The following COPB2 variants were observed in gnomAD, a reference collection of about 807,000 sequenced individuals.
The protein encoded by COPB2 is coat protein complex I subunit beta 2.
In COPB2, 16 loss-of-function variants were observed where a neutral mutation model predicts 120.8. The ratio of observed to expected loss-of-function variants is 0.13; its 90% confidence interval spans 0.09 to 0.20. The LOEUF (loss-of-function observed/expected upper bound fraction) is 0.20. COPB2 is among the 10% of genes least tolerant of loss of function. COPB2 has a pLI of 1.00. For missense variants in COPB2, 794 were observed against 1,076.5 expected, an observed-to-expected ratio of 0.74 and a Z score of 3.67; for synonymous variants, 332 against 366.3, an observed-to-expected ratio of 0.91 and a Z score of 1.07.
Position 139,359,130 on chromosome 3 carries a change from T to C in COPB2, c.2352A>G (p.Ala784=). The change falls in exon 19 of 22, where the codon GCA becomes GCG. Residue 784 remains alanine (A), a synonymous_variant. Transcript: ENST00000333188. ...CTGTTGGGTCAGCAAGGGATTCTGC[T>C]GCTTTCTGATTGACTTTTGAGAGAT... ...RENLSKVNQK[A]AESLADPTEY... is the part of the protein sequence containing the mutation. 1 of 1,614,082 alleles carries C rather than the reference T, an allele frequency of 6.2e-7. No individual in the cohort carries two copies. Among genetic ancestry groups the C allele is most frequent in the Non-Finnish European group, 8.5e-7 (1 of 1,180,012 alleles).
chr3:139,359,368 C>G lies in COPB2; in HGVS notation c.2211-6G>C, dbSNP rs923205315. On this transcript the variant is annotated splice_polypyrimidine_tract_variant and splice_region_variant and intron_variant, in intron 17 of 21. Transcript: ENST00000333188. ...GCTCTAGGCAGGCATCAACCCTAAACATTAAAAAGGAGAGGTACTGTTACC... is the reference window on the plus strand; with the variant it reads ...GCTCTAGGCAGGCATCAACCCTAAAGATTAAAAAGGAGAGGTACTGTTACC... The G allele has an allele frequency of 6.2e-7, 1 of 1,611,902 alleles. No individual in the cohort carries two copies. Among genetic ancestry groups the G allele is most frequent in the Non-Finnish European group, 8.5e-7 (1 of 1,178,474 alleles).
intron 15 of COPB2, among the ~76,000 whole-genome samples, chr3:139,365,610 T>C (rs971924801): frequency 6.6e-6 from 1 of 152,054 alleles, no homozygotes; most frequent in Non-Finnish European, 1.5e-5. Context: ...AGCCCCAACA[T>C]GATGGTGAGG....
intron 2 of COPB2, chr3:139,383,028 C>A: frequency 2.4e-6 from 1 of 423,606 alleles, no homozygotes; most frequent in South Asian, 2.9e-5. Flanking sequence ...TCTATAATAC[C>A]ATCAGTTTTC....
chr3:139,376,385 A>T (rs1271341852), intron 5 of COPB2, among the ~76,000 whole-genome samples: 1 of 152,240 alleles, frequency 6.6e-6, no homozygotes, highest in Non-Finnish European at 1.5e-5. Context: ...CTTTACAAAT[A>T]TTTATTGAGT....
chr3:139,373,557 G>C, intron 8 of COPB2, 109 bp downstream of exon 8: 2 of 1,536,664 alleles, frequency 1.3e-6, no homozygotes, highest in Non-Finnish European at 1.8e-6. Context: ...AGTGCTTAAT[G>C]AAAGAAGTGC....
At position 139,389,590 on chromosome 3, in the gene COPB2, C is replaced by T; in HGVS notation, c.-40G>A. On this transcript the variant is annotated 5_prime_UTR_variant, in exon 1 of 22. Transcript: ENST00000333188. ...AATCCCGGGAACCCTCGTTTGTTAC[C>T]GGCTACTCAGGCCTTGAGATAAACC... is the stretch of plus-strand genomic sequence containing the variant. 6.4e-7 allele frequency: 1 copy of T among 1,565,642 alleles called. No individual in the cohort carries two copies. The highest frequency in any genetic ancestry group is 8.7e-7 in the Non-Finnish European group (1 of 1,146,158).
chr3:139,368,140 A>G lies in COPB2; in HGVS notation c.1545+5T>C, dbSNP rs760935881. On this transcript the variant is annotated splice_donor_5th_base_variant and intron_variant, in intron 13 of 21. Coordinates refer to ENST00000333188, the MANE Select transcript of COPB2 (RefSeq NM_004766.3). ...TGAAAGCGAAAGTTGTGCTGATGCA[A>G]TTACCTCAAAGGCATCTTCAATGCC... The G allele has an allele frequency of 4.4e-6, 7 of 1,608,174 alleles. No homozygotes were observed. Among genetic ancestry groups the G allele is most frequent in the Non-Finnish European group, 5.1e-6 (6 of 1,178,168 alleles).
chr3:139,363,104 T>C (rs1012544339), intron 15 of COPB2, among the ~76,000 whole-genome samples: 1 of 152,244 alleles, frequency 6.6e-6, no homozygotes, highest in Non-Finnish European at 1.5e-5. Context: ...TTAGGTGTCA[T>C]TACCTATTCC....
chr3:139,357,695 A>G lies in COPB2; in HGVS notation c.*168T>C. Reference sequence around the variant, plus strand: ...AAACACAGTGATTTAAATGCTGCACATAAACTCTTCTTAAGATGATGTGGG... The same window carrying G: ...AAACACAGTGATTTAAATGCTGCACGTAAACTCTTCTTAAGATGATGTGGG... On this transcript the variant is annotated 3_prime_UTR_variant, in exon 22 of 22. Coordinates refer to ENST00000333188, the MANE Select transcript of COPB2 (RefSeq NM_004766.3). 2.2e-6 allele frequency: 1 copy of G among 461,720 alleles called. No individual in the cohort carries two copies. The highest frequency in any genetic ancestry group is 3.8e-6 in the Non-Finnish European group (1 of 264,118). 28.6% of individuals were successfully genotyped at this position (461,720 alleles called of 1,614,324 possible).
At chr3:139,362,050 T>G in intron 16 of COPB2, among the ~76,000 whole-genome samples, 1 of 152,234 alleles carries the variant, frequency 6.6e-6, no homozygotes, top group Middle Eastern at 3.2e-3. Flanking sequence ...ATATTTTTAG[T>G]TAGTTTCAGA....
chr3:139,388,548 A>G (rs1041955758), intron 1 of COPB2, among the ~76,000 whole-genome samples: 2 of 151,570 alleles, frequency 1.3e-5, no homozygotes, highest in South Asian at 2.1e-4. Flanking sequence ...ATTTAAAAAA[A>G]TTTTTTAACT....
chr3:139,368,429 T>C, intron 12 of COPB2, 141 bp from the exon 13 acceptor site: 1 of 894,496 alleles, frequency 1.1e-6, no homozygotes, highest in Non-Finnish European at 1.6e-6. Flanking sequence ...GTGGCATTAT[T>C]TGGGAGGGTG....
chr3:139,382,218 T>A (rs2107809628), intron 2 of COPB2: 1 of 152,278 alleles, frequency 6.6e-6, no homozygotes, highest in East Asian at 1.9e-4. Context: ...GGGGGTGGAT[T>A]TCCCCCTTGC....
chr3:139,370,135 T>C (rs1941595619), intron 10 of COPB2, among the ~76,000 whole-genome samples: 1 of 152,184 alleles, frequency 6.6e-6, no homozygotes, highest in Admixed American at 6.5e-5. Context: ...ATAATTTGAT[T>C]GTGTTAGTAG....
rs150843845 is a variant in COPB2, at chr3:139,389,273, C to T, written c.3+275G>A. Among the ~76,000 whole-genome samples the T allele has an allele frequency of 4.4e-3, 670 of 152,366 alleles. 1 individual carries two copies. The highest frequency in any genetic ancestry group is 0.014 in the African/African-American group (583 of 41,590). ...TTCTGTGTTTCCCTACACCACCGAT[C>T]CCGCTGCAGACTGCAGGAGCTCTGG... On this transcript the variant is annotated intron_variant, in intron 1 of 21. Coordinates refer to ENST00000333188, the MANE Select transcript of COPB2 (RefSeq NM_004766.3).
At chr3:139,386,624 A>AT (rs1232926815) in intron 1 of COPB2, among the ~76,000 whole-genome samples, 1 of 152,064 alleles carries the variant, frequency 6.6e-6, no homozygotes, top group South Asian at 2.1e-4. Flanking sequence ...ACTATTACAA[A>AT]TTTTAACTTC....
At chr3:139,375,885 G>A (rs1941704497) in intron 5 of COPB2, among the ~76,000 whole-genome samples, 1 of 152,118 alleles carries the variant, frequency 6.6e-6, no homozygotes, top group Admixed American at 6.5e-5. Context: ...TGACGCCCAG[G>A]AATCTAGATG....
chr3:139,379,220 T>A, intron 3 of COPB2, 47 bp from the exon 4 acceptor site: 1 of 1,565,302 alleles, frequency 6.4e-7, no homozygotes, highest in Admixed American at 2.0e-5. Flanking sequence ...TCAAGTAAAT[T>A]ATACAAAAAA....
intron 1 of COPB2, among the ~76,000 whole-genome samples, chr3:139,386,533 T>C (rs1941925243): frequency 6.6e-6 from 1 of 152,150 alleles, no homozygotes; most frequent in African/African-American, 2.4e-5. Flanking sequence ...TTTTCCACTT[T>C]CAAATCATCA....
Sources: gnomAD v4.1 joint callset for allele counts (sites outside exome capture counted in the v4.1 genomes callset) on GRCh38, gnomAD v4.1.1 for gene constraint, MANE v1.5 for transcripts, NCBI Gene and HGNC (gene_info 2026-07-23, HGNC 2026-07-21) for gene names.